IL5RA: variants seen among roughly 807,000 people sequenced by gnomAD.
IL5RA encodes the protein interleukin 5 receptor subunit alpha.
Under a neutral mutation model 50.0 loss-of-function variants are expected in IL5RA, and 49 were observed. That is an observed-to-expected ratio of 0.98 (90% confidence interval 0.78 to 1.24). IL5RA has a LOEUF of 1.24. Ranked by LOEUF, IL5RA falls within the 50% of genes most tolerant of loss-of-function variation. IL5RA has a pLI of 0.00. For synonymous variants in IL5RA, 202 were observed against 174.0 expected, an observed-to-expected ratio of 1.16 and a Z score of -1.26; for missense variants, 600 against 500.4, an observed-to-expected ratio of 1.20 and a Z score of -1.90.
chr3:3,090,802 T>C (rs1703063212), intron 9 of IL5RA, among the ~76,000 whole-genome samples: 2 of 152,052 alleles, frequency 1.3e-5, no homozygotes, highest in Non-Finnish European at 2.9e-5. Context: ...CTCGATCTCC[T>C]GACCTCGTGA....
chr3:3,088,011 C>G (rs974224796), intron 9 of IL5RA, among the ~76,000 whole-genome samples: 1 of 152,128 alleles, frequency 6.6e-6, no homozygotes, highest in African/African-American at 2.4e-5. Context: ...TTAATCAGCT[C>G]ATCTTCATGA....
At chr3:3,074,227 C>G (rs1180912073) in intron 11 of IL5RA, among the ~76,000 whole-genome samples, 1 of 152,172 alleles carries the variant, frequency 6.6e-6, no homozygotes, top group Non-Finnish European at 1.5e-5. Flanking sequence ...TGAAAATTCT[C>G]TATTAACTAA....
intron 11 of IL5RA, among the ~76,000 whole-genome samples, chr3:3,074,038 G>A (rs558873499): frequency 6.6e-6 from 1 of 152,298 alleles, no homozygotes; most frequent in East Asian, 1.9e-4. Context: ...GCAATTCACT[G>A]GGGAAAGGAT....
rs13434051 is a variant in IL5RA, at chr3:3,078,457, T to G, written c.995-1830A>C. On this transcript the variant is annotated intron_variant, in intron 9 of 11. Coordinates refer to ENST00000446632, the MANE Select transcript of IL5RA (RefSeq NM_175726.4). ...TGCTTTCAAATATTCATAGAGTCCT[T>G]CATCTTGAATAAGCCATGACCCTGC... 2.3e-3 allele frequency among the ~76,000 whole-genome samples: 346 copies of G among 152,314 alleles called. 2 individuals carry two copies. Among genetic ancestry groups the G allele is most frequent in the African/African-American group, 7.8e-3 (326 of 41,584 alleles).
intron 11 of IL5RA, 127 bp from the exon 12 acceptor site, chr3:3,070,438 GA>G (rs1417502717): frequency 2.7e-5 from 17 of 625,126 alleles, no homozygotes; most frequent in Non-Finnish European, 4.8e-5. Flanking sequence ...AAGAAGATGT[GA>G]AAAATAAAGT....
chr3:3,072,685 C>G (rs186514744), intron 11 of IL5RA, among the ~76,000 whole-genome samples: 2 of 152,038 alleles, frequency 1.3e-5, no homozygotes, highest in African/African-American at 2.4e-5. Context: ...TTTGGGAAGG[C>G]TGGATCACTT....
rs1703139248 is a variant in IL5RA, at chr3:3,092,062, C to G, written c.994+162G>C. 8 of 1,383,390 alleles carry G rather than the reference C, an allele frequency of 5.8e-6. No individual in the cohort carries two copies. The highest frequency in any genetic ancestry group is 2.7e-5 in the East Asian group (1 of 37,712). 85.7% of individuals were successfully genotyped at this position (1,383,390 alleles called of 1,614,324 possible). On this transcript the variant is annotated intron_variant, in intron 9 of 11. Coordinates refer to ENST00000446632, the MANE Select transcript of IL5RA (RefSeq NM_175726.4). The surrounding 1 kb of genome is among the most constrained non-coding windows in gnomAD (Gnocchi z 4.2). The stretch of plus-strand genomic sequence containing the variant: ...CTTAAAAACTTCACTGGCTTCATGG[C>G]AAATCTATTCCTGATTGAAAAGGCA...
At position 3,104,956 on chromosome 3, in the gene IL5RA, A is replaced by G; in HGVS notation, c.29T>C (p.Ile10Thr). 6.2e-7 allele frequency: 1 copy of G among 1,613,174 alleles called. No individual in the cohort carries two copies. Among genetic ancestry groups the G allele is most frequent in the Non-Finnish European group, 8.5e-7 (1 of 1,179,224 alleles). Residue 10 changes from isoleucine (I) to threonine (T), a missense_variant, in exon 3 of 12, where the codon ATC (isoleucine) becomes ACC (threonine). Coordinates refer to ENST00000446632, the MANE Select transcript of IL5RA (RefSeq NM_175726.4). ...CAGTATCTCAGTGGCCCCCAAAAGG[A>G]TGAGTAATACATGCGCCACGATGAT... MIIVAHVLL[I>T]LLGATEILQA... is the part of the protein sequence containing the mutation.
intron 9 of IL5RA, among the ~76,000 whole-genome samples, chr3:3,081,315 G>T (rs1702658011): frequency 1.3e-5 from 2 of 152,114 alleles, no homozygotes. Context: ...CCTGAGTAAG[G>T]AATTCAGCCT....
At position 3,104,975 on chromosome 3, in the gene IL5RA, C is replaced by A; in HGVS notation, c.10G>T (p.Val4Leu). The A allele has an allele frequency of 6.2e-7, 1 of 1,610,178 alleles. No individual in the cohort carries two copies. Among genetic ancestry groups the A allele is most frequent in the Non-Finnish European group, 8.5e-7 (1 of 1,177,006 alleles). MIIVAHVLLILLGA... is the reference protein window; with the variant it reads MIILAHVLLILLGA... ...AAAAGGATGAGTAATACATGCGCCA[C>A]GATGATCATATCCTACAGAAAACAA... The change falls in exon 3 of 12, where the codon GTG becomes TTG. Residue 4 changes from valine to leucine, a missense_variant. Coordinates refer to ENST00000446632, the MANE Select transcript of IL5RA (RefSeq NM_175726.4).
intron 2 of IL5RA, among the ~76,000 whole-genome samples, chr3:3,106,503 T>A (rs17880896): frequency 0.065 from 9,885 of 152,148 alleles, 1,077 homozygotes; most frequent in African/African-American, 0.22. Flanking sequence ...ATGCCAGTTT[T>A]GATTTTAAAA....
rs1405427295 is a variant in IL5RA at position 3,069,262 on chromosome 3, T to C, written c.*963A>G. On this transcript the variant is annotated 3_prime_UTR_variant, in exon 12 of 12. Coordinates refer to ENST00000446632, the MANE Select transcript of IL5RA (RefSeq NM_175726.4). ...CTGGATGCAGACTCATATATGAAGA[T>C]GTTAGGAAGAAGAATTTCTGTGTAT... 1 of 152,260 alleles carries C rather than the reference T, an allele frequency of 6.6e-6. No individual in the cohort carries two copies. The highest frequency in any genetic ancestry group is 1.5e-5 in the Non-Finnish European group (1 of 68,058). 9.4% of individuals were successfully genotyped at this position (152,260 alleles called of 1,614,324 possible). A position where few individuals can be genotyped will look rare whatever the true frequency, so the allele number is the denominator to read the frequency against.
chr3:3,071,468 A>G (rs1702293377), intron 11 of IL5RA, among the ~76,000 whole-genome samples: 1 of 152,160 alleles, frequency 6.6e-6, no homozygotes, highest in Non-Finnish European at 1.5e-5. Context: ...TGTCTAAATA[A>G]GTAAATTATC....
At chr3:3,076,860 C>T (rs1702504705) in intron 9 of IL5RA, among the ~76,000 whole-genome samples, 1 of 152,122 alleles carries the variant, frequency 6.6e-6, no homozygotes, top group Non-Finnish European at 1.5e-5. Flanking sequence ...GGCAGTGAGG[C>T]CACTTTTATT....
Position 3,101,828 on chromosome 3 carries a change from A to C in IL5RA, c.231T>G (p.Tyr77Ter), listed in dbSNP as rs780941830. 1 of 1,613,374 alleles carries C rather than the reference A, an allele frequency of 6.2e-7. No homozygotes were observed. Among genetic ancestry groups the C allele is most frequent in the Non-Finnish European group, 8.5e-7 (1 of 1,179,768 alleles). ...ATTTGCTTTCAGTGATTCTGGTTTC[A>C]TACTAAAAATAAAACCCACAAGTCA... is the stretch of plus-strand genomic sequence containing the variant. ...VKINAPKEDD[Y>*]ETRITESKCV... The change falls in exon 5 of 12, where the codon TAT becomes TAG. Residue 77 changes from tyrosine to a stop codon, truncating the protein, a stop_gained and splice_region_variant. Transcript: ENST00000446632. LOFTEE classifies it high-confidence loss of function.
chr3:3,075,203 C>CTT (rs10642608), intron 10 of IL5RA, among the ~76,000 whole-genome samples: 11,667 of 69,766 alleles, frequency 0.17, 828 homozygotes, highest in African/African-American at 0.25. Flanking sequence ...AGTTTACTTA[C>CTT]TTTTTTTTTT....
rs531676692 is a variant in IL5RA, at chr3:3,101,006, A to C, written c.367+686T>G. On this transcript the variant is annotated intron_variant, in intron 5 of 11. Transcript: ENST00000446632. Reference sequence around the variant, plus strand: ...AATAATAATAATAATAATAATAATAATAATAATAATAATAATACAAAAATT... The same window carrying C: ...AATAATAATAATAATAATAATAATACTAATAATAATAATAATACAAAAATT... 8.2e-5 allele frequency among the ~76,000 whole-genome samples: 12 copies of C among 146,604 alleles called. 1 individual carries two copies. The South Asian group carries it at 2.5e-3, about 31-fold the overall frequency.
At chr3:3,095,470 G>T in intron 7 of IL5RA, 26 bp from the exon 8 acceptor site, 1 of 1,461,986 alleles carries the variant, frequency 6.8e-7, no homozygotes. Flanking sequence ...AAAGATCAGT[G>T]ATTTTTTTTT....
chr3:3,082,365 T>C (rs1412917329), intron 9 of IL5RA, among the ~76,000 whole-genome samples: 1 of 152,204 alleles, frequency 6.6e-6, no homozygotes, highest in Non-Finnish European at 1.5e-5. Context: ...ATGTTTCTTT[T>C]CAAGAAATCA....
Sources: allele counts gnomAD v4.1 joint callset (sites outside exome capture counted in the v4.1 genomes callset), GRCh38; gene constraint gnomAD v4.1.1; non-coding constraint Gnocchi (gnomAD v3.1); transcripts MANE v1.5; gene names NCBI Gene and HGNC (gene_info 2026-07-23, HGNC 2026-07-21).